The following TNRC6C variants were observed in gnomAD, a reference collection of about 807,000 sequenced individuals.
TNRC6C encodes the protein trinucleotide repeat-containing gene 6C protein.
Under a neutral mutation model 153.7 loss-of-function variants are expected in TNRC6C, and 20 were observed. That is an observed-to-expected ratio of 0.13 (90% confidence interval 0.09 to 0.19). The LOEUF (loss-of-function observed/expected upper bound fraction) is 0.19, where lower values mean the gene tolerates loss of function less well. Ranked by LOEUF, TNRC6C falls within the 10% of genes least tolerant of loss-of-function variation. The pLI is 1.00. For synonymous variants in TNRC6C, 811 were observed against 841.4 expected (o/e 0.96, Z 0.63); for missense variants, 1,987 against 2,172.0 (o/e 0.91, Z 1.69).
chr17:78,096,213 C>T (rs1598790627), intron 16 of TNRC6C, among the ~76,000 whole-genome samples: 2 of 152,044 alleles, frequency 1.3e-5, no homozygotes, highest in Non-Finnish European at 2.9e-5. Flanking sequence ...AGCCCAACAC[C>T]GAGTTCACAC....
intron 2 of TNRC6C, among the ~76,000 whole-genome samples, chr17:78,033,362 A>G (rs2072111354): frequency 6.6e-6 from 1 of 152,242 alleles, no homozygotes; most frequent in Non-Finnish European, 1.5e-5. Context: ...CTCCTAGTTC[A>G]TAGTCCTTCT....
chr17:78,049,717 C>T lies in TNRC6C; in HGVS notation c.655C>T (p.Pro219Ser). The change falls in exon 3 of 20, where the codon CCG becomes TCG. Residue 219 changes from proline to serine, a missense_variant. Around this residue, in one of 4 missense-constraint regions of TNRC6C, gnomAD observed 1,052 missense variants for 1,017.0 expected, o/e 1.03. Transcript: ENST00000301624. The surrounding 1 kb of genome is among the most constrained non-coding windows in gnomAD (Gnocchi z 4.1). ...GGCTGTTGGTATGGGGGCCATCATC[C>T]CGCCCCACCTGCAAGGCCTTCCTGG... 1 of 1,598,642 alleles carries T rather than the reference C, an allele frequency of 6.3e-7. No homozygotes were observed. Among genetic ancestry groups the T allele is most frequent in the South Asian group, 1.1e-5 (1 of 88,662 alleles).
chr17:77,980,630 T>C (rs2071062414), intron 1 of TNRC6C, among the ~76,000 whole-genome samples: 1 of 152,194 alleles, frequency 6.6e-6, no homozygotes, highest in African/African-American at 2.4e-5. Context: ...ATCTCACAGG[T>C]TGAAGACTCA....
At chr17:78,014,428 C>T (rs553122740) in intron 1 of TNRC6C, among the ~76,000 whole-genome samples, 2 of 151,928 alleles carry the variant, frequency 1.3e-5, no homozygotes, top group African/African-American at 2.4e-5. Flanking sequence ...ATGCTCTTAG[C>T]GGCATTTTCT....
chr17:78,005,580 C>T (rs1820416592), intron 1 of TNRC6C, among the ~76,000 whole-genome samples: 1 of 152,200 alleles, frequency 6.6e-6, no homozygotes, highest in African/African-American at 2.4e-5. Flanking sequence ...ACGCATTTCT[C>T]ACTGTTACTC....
chr17:78,000,761 AC>A (rs1267450453), upstream of TNRC6C, among the ~76,000 whole-genome samples: 1 of 152,050 alleles, frequency 6.6e-6, no homozygotes, highest in Non-Finnish European at 1.5e-5. Flanking sequence ...ATTTCTGATA[AC>A]TAAACCTCAA....
intron 16 of TNRC6C, among the ~76,000 whole-genome samples, chr17:78,095,511 G>A (rs534035951): frequency 7.9e-5 from 12 of 152,288 alleles, no homozygotes; most frequent in African/African-American, 2.4e-4. Context: ...TTGACTTCCC[G>A]GGTGCTCGAC....
chr17:78,083,441 A>T (rs2073218240), intron 11 of TNRC6C, among the ~76,000 whole-genome samples: 1 of 152,162 alleles, frequency 6.6e-6, no homozygotes, highest in Non-Finnish European at 1.5e-5. Context: ...GACTCAAGGG[A>T]TCCTCCCACC....
intron 17 of TNRC6C, among the ~76,000 whole-genome samples, chr17:78,101,845 C>T (rs906264216): frequency 4.6e-5 from 7 of 152,084 alleles, no homozygotes; most frequent in Admixed American, 1.3e-4. Flanking sequence ...GCCCTCATTC[C>T]GGTACACCCA....
intron 1 of TNRC6C, among the ~76,000 whole-genome samples, chr17:78,018,445 A>G (rs944033987): frequency 6.6e-6 from 1 of 152,118 alleles, no homozygotes; most frequent in Non-Finnish European, 1.5e-5. Context: ...ATGTTTTTTT[A>G]TATAATACTC....
exon 16 of TNRC6C, chr17:78,093,659 T>C (rs2073431530): frequency 1.9e-6 from 3 of 1,613,906 alleles, no homozygotes; most frequent in African/African-American, 1.3e-5. Flanking sequence ...CTGCAGAATA[T>C]TGACCCTGAG....
At chr17:78,068,314 G>A (rs1359803559) in intron 5 of TNRC6C, among the ~76,000 whole-genome samples, 1 of 152,226 alleles carries the variant, frequency 6.6e-6, no homozygotes, top group African/African-American at 2.4e-5. Context: ...TTAGGTTAAT[G>A]TGTAGTGACT....
chr17:78,063,377 G>A (rs1175320671), intron 3 of TNRC6C, among the ~76,000 whole-genome samples: 1 of 151,842 alleles, frequency 6.6e-6, no homozygotes, highest in Non-Finnish European at 1.5e-5. Flanking sequence ...TTCATGTTGA[G>A]GAGCAGGCTG....
intron 3 of TNRC6C, among the ~76,000 whole-genome samples, chr17:78,060,326 T>C (rs981348775): frequency 1.3e-5 from 2 of 152,204 alleles, no homozygotes; most frequent in South Asian, 4.1e-4. Context: ...CCAGCCATCA[T>C]AGTAAATTTG....
chr17:78,053,591 T>C (rs562058765), intron 3 of TNRC6C, among the ~76,000 whole-genome samples: 69 of 150,600 alleles, frequency 4.6e-4, no homozygotes, highest in African/African-American at 1.6e-3. Context: ...ATGGGGCCAT[T>C]GCACTCCAGC....
intron 3 of TNRC6C, among the ~76,000 whole-genome samples, chr17:78,062,793 C>G (rs1288320842): frequency 4.6e-5 from 7 of 152,186 alleles, no homozygotes; most frequent in Non-Finnish European, 5.9e-5. Flanking sequence ...GGCCCTTGAA[C>G]AGTTTGGGAT....
chr17:78,106,328 CG>C (rs1198727690), exon 20 of TNRC6C: 1 of 151,620 alleles, frequency 6.6e-6, no homozygotes, highest in African/African-American at 2.4e-5. Flanking sequence ...AGCTCTGGGA[CG>C]GGACAGTGTT....
upstream of TNRC6C, among the ~76,000 whole-genome samples, chr17:77,958,078 C>T (rs2070822768): frequency 6.6e-6 from 1 of 152,096 alleles, no homozygotes. Flanking sequence ...TCCAGGGCCC[C>T]AAGGACTCGT....
chr17:78,043,341 A>G (rs1296267420), intron 2 of TNRC6C, among the ~76,000 whole-genome samples: 2 of 152,192 alleles, frequency 1.3e-5, no homozygotes, highest in African/African-American at 4.8e-5. Context: ...GGTGGGAGAA[A>G]AGAGATGGTT....
Sources: gnomAD v4.1 joint callset for allele counts (sites outside exome capture counted in the v4.1 genomes callset) on GRCh38, gnomAD v4.1.1 for gene constraint, gnomAD v4.1.1 regional missense constraint, Gnocchi (gnomAD v3.1) non-coding constraint, MANE v1.5 for transcripts, NCBI Gene and HGNC (gene_info 2026-07-23, HGNC 2026-07-21) for gene names.